Variants in NMT2 observed in about 807,000 individuals in gnomAD.
NMT2 encodes the protein glycylpeptide N-tetradecanoyltransferase 2.
A neutral mutation model predicts 65.4 loss-of-function variants in NMT2; 35 were observed. The observed-to-expected ratio is 0.54, with a 90% CI of 0.41 to 0.71. The LOEUF (loss-of-function observed/expected upper bound fraction) is 0.71. NMT2 is among the 30% of genes least tolerant of loss of function. NMT2 has a pLI of 0.00. For missense variants in NMT2, 489 were observed against 611.3 expected (o/e 0.80, Z 2.11); for synonymous variants, 226 against 231.8 (o/e 0.98, Z 0.23).
At chr10:15,157,879 A>G (rs1359587326) in intron 1 of NMT2, among the ~76,000 whole-genome samples, 1 of 152,376 alleles carries the variant, frequency 6.6e-6, no homozygotes, top group East Asian at 1.9e-4. Context: ...AGAGTCCAAG[A>G]GACTGTAGTT....
At chr10:15,114,133 C>T (rs1022903751) in intron 9 of NMT2, among the ~76,000 whole-genome samples, 1 of 152,158 alleles carries the variant, frequency 6.6e-6, no homozygotes, top group Non-Finnish European at 1.5e-5. Flanking sequence ...CCCTACTGCT[C>T]TATATTAGCA....
chr10:15,167,700 A>T (rs1034000853), intron 1 of NMT2, among the ~76,000 whole-genome samples: 1 of 152,214 alleles, frequency 6.6e-6, no homozygotes, highest in Non-Finnish European at 1.5e-5. Context: ...CTTTTCTCCA[A>T]CAGAAGAGCA....
intron 2 of NMT2, among the ~76,000 whole-genome samples, chr10:15,136,212 ACT>A (rs200804690): frequency 0.019 from 2,678 of 143,664 alleles, 39 homozygotes; most frequent in African/African-American, 0.022. Context: ...CAAGAGCAAG[ACT>A]CTGTCAGGAA....
At position 15,133,233 on chromosome 10, in the gene NMT2, T is replaced by C; in HGVS notation, c.510+12A>G. ...TGCAGGAGTTGAATTTAAGAGGTTT[T>C]TACTCACTCACCACTTCGGCATCAC... On this transcript the variant is annotated intron_variant, in intron 4 of 11. Coordinates refer to ENST00000378165, the MANE Select transcript of NMT2 (RefSeq NM_004808.3). The C allele has an allele frequency of 1.2e-6, 2 of 1,609,992 alleles. No homozygotes were observed. The highest frequency in any genetic ancestry group is 1.7e-6 in the Non-Finnish European group (2 of 1,176,220).
intron 3 of NMT2, 126 bp from the exon 4 acceptor site, chr10:15,133,489 A>G: frequency 1.4e-6 from 1 of 695,230 alleles, no homozygotes; most frequent in Admixed American, 2.3e-5. Flanking sequence ...CGGGTTTCAG[A>G]TAATCTTTAA....
chr10:15,153,710 G>T (rs976523337), intron 1 of NMT2, among the ~76,000 whole-genome samples: 1 of 151,954 alleles, frequency 6.6e-6, no homozygotes, highest in Non-Finnish European at 1.5e-5. Context: ...GAGTGCAGTG[G>T]CCAATCTCGG....
intron 2 of NMT2, among the ~76,000 whole-genome samples, chr10:15,135,751 C>A (rs2131556059): frequency 6.6e-6 from 1 of 151,962 alleles, no homozygotes. Context: ...TACTGTCATC[C>A]AACAGCCAGG....
chr10:15,130,416 A>G lies in NMT2; in HGVS notation c.720-104T>C, dbSNP rs577600711. The G allele has an allele frequency of 8.2e-5, 74 of 905,634 alleles. No homozygotes were observed. The African/African-American group carries it at 1.1e-3, about 14-fold the overall frequency. 56.1% of individuals were successfully genotyped at this position (905,634 alleles called of 1,614,324 possible). ...TGATACCCAGGAAATATCCAAGAAT[A>G]AGAATGCAGGCTGGGAACACTGGCT... On this transcript the variant is annotated intron_variant, in intron 6 of 11. Transcript: ENST00000378165.
intron 9 of NMT2, among the ~76,000 whole-genome samples, chr10:15,113,858 T>C (rs928081225): frequency 1.3e-5 from 2 of 152,204 alleles, no homozygotes; most frequent in African/African-American, 2.4e-5. Context: ...CATTTCATCA[T>C]CACTGGCAAA....
At chr10:15,132,551 C>T (rs1421904219) in intron 6 of NMT2, among the ~76,000 whole-genome samples, 2 of 152,144 alleles carry the variant, frequency 1.3e-5, no homozygotes, top group African/African-American at 4.8e-5. Context: ...CCTCAGCCTC[C>T]TGAGTAGGTG....
At chr10:15,162,446 T>A (rs1165518088) in intron 1 of NMT2, among the ~76,000 whole-genome samples, 5 of 152,126 alleles carry the variant, frequency 3.3e-5, no homozygotes, top group Non-Finnish European at 7.4e-5. Flanking sequence ...TGGAGCTATT[T>A]AAATTTAAAT....
chr10:15,155,412 A>C, intron 1 of NMT2: 2 of 571,316 alleles, frequency 3.5e-6, no homozygotes, highest in Non-Finnish European at 6.3e-6. Context: ...TCTGTCATCC[A>C]GGCTGAAGTG....
chr10:15,155,072 A>C (rs1416946526), intron 1 of NMT2: 1 of 1,351,852 alleles, frequency 7.4e-7, no homozygotes, highest in Non-Finnish European at 1.1e-6. Flanking sequence ...AGTTCTCATC[A>C]TCAAATTTCT....
intron 6 of NMT2, among the ~76,000 whole-genome samples, chr10:15,132,514 G>A (rs949477257): frequency 1.3e-5 from 2 of 151,786 alleles, no homozygotes; most frequent in Admixed American, 6.6e-5. Flanking sequence ...TGCAACCTCC[G>A]CCTCCTGGGT....
At chr10:15,153,701 A>G (rs1355314809) in intron 1 of NMT2, among the ~76,000 whole-genome samples, 1 of 151,900 alleles carries the variant, frequency 6.6e-6, no homozygotes, top group Non-Finnish European at 1.5e-5. Context: ...CCCAGGCTGG[A>G]GTGCAGTGGC....
chr10:15,105,978 C>A lies in NMT2; in HGVS notation c.*3217G>T. ...TGAGGTAAGCTCATGACAAAGTTTC[C>A]AACTGGCAATGCTGCAGTTATTTAT... On this transcript the variant is annotated 3_prime_UTR_variant, in exon 12 of 12. Coordinates refer to ENST00000378165, the MANE Select transcript of NMT2 (RefSeq NM_004808.3). 2.5e-6 allele frequency: 1 copy of A among 401,994 alleles called. No homozygotes were observed. The highest frequency in any genetic ancestry group is 3.0e-5 in the Admixed American group (1 of 33,750). 24.9% of individuals were successfully genotyped at this position (401,994 alleles called of 1,614,324 possible).
chr10:15,133,689 C>T (rs61844183), intron 3 of NMT2, among the ~76,000 whole-genome samples: 3 of 152,226 alleles, frequency 2.0e-5, no homozygotes, highest in Admixed American at 1.3e-4. Flanking sequence ...TGGGCTCAAG[C>T]GATCCTCTCT....
chr10:15,147,092 T>G (rs1846989171), intron 1 of NMT2, among the ~76,000 whole-genome samples: 1 of 50,440 alleles, frequency 2.0e-5, no homozygotes, highest in African/African-American at 8.0e-5. Flanking sequence ...ATCCTCTCGC[T>G]CTCAAAAAAA....
chr10:15,160,995 C>G (rs969771221), intron 1 of NMT2, among the ~76,000 whole-genome samples: 1 of 142,836 alleles, frequency 7.0e-6, no homozygotes, highest in Non-Finnish European at 1.5e-5. Flanking sequence ...TTTGGGGAAC[C>G]GAGTCAGGTG....
Sources: allele counts gnomAD v4.1 joint callset (sites outside exome capture counted in the v4.1 genomes callset), GRCh38; gene constraint gnomAD v4.1.1; transcripts MANE v1.5; gene names NCBI Gene and HGNC (gene_info 2026-07-23, HGNC 2026-07-21).